Variants in RILP observed in about 807,000 individuals in gnomAD.
RILP encodes the protein rab-interacting lysosomal protein.
RILP carries 53 observed loss-of-function variants against 40.0 expected under a neutral mutation model. The ratio of observed to expected loss-of-function variants is 1.32; its 90% CI spans 1.06 to 1.66. The LOEUF (loss-of-function observed/expected upper bound fraction) is 1.66. RILP is among the 40% of genes most tolerant of loss of function. The probability of loss-of-function intolerance (pLI) is 0.00; values close to 1 mark genes in which losing one functional copy is unlikely to be tolerated. For missense variants in RILP, 626 were observed against 551.7 expected, an observed-to-expected ratio of 1.13 and a Z score of -1.35; for synonymous variants, 272 against 250.6, an observed-to-expected ratio of 1.09 and a Z score of -0.80.
chr17:1,649,163 G>A lies in RILP; in HGVS notation c.429+37C>T, dbSNP rs1410831298. ...CCCCGCCCAGCGCCTGCCACGCTCC[G>A]CCCCCGCCCCGCCCCAGAGCCCCGC... On this transcript the variant is annotated intron_variant, in intron 3 of 7. Coordinates refer to ENST00000301336, the MANE Select transcript of RILP (RefSeq NM_031430.3). The surrounding 1 kb of genome is among the most constrained non-coding windows in gnomAD (Gnocchi z 4.3). 3 of 726,086 alleles carry A rather than the reference G, an allele frequency of 4.1e-6. No homozygotes were observed. The highest frequency in any genetic ancestry group is 5.6e-6 in the Non-Finnish European group (3 of 538,294). The allele number at this position is 726,086 out of a possible 1,614,324, so 45.0% of individuals were successfully genotyped here. A position where few individuals can be genotyped will look rare whatever the true frequency, so the allele number is the denominator to read the frequency against.
chr17:1,649,373 G>T lies in RILP; in HGVS notation c.322+39C>A. 2 of 1,494,642 alleles carry T rather than the reference G, an allele frequency of 1.3e-6. No individual in the cohort carries two copies. Among genetic ancestry groups the T allele is most frequent in the Non-Finnish European group, 1.8e-6 (2 of 1,128,472 alleles). 92.6% of individuals were successfully genotyped at this position (1,494,642 alleles called of 1,614,324 possible). On this transcript the variant is annotated intron_variant, in intron 2 of 7. Coordinates refer to ENST00000301336, the MANE Select transcript of RILP (RefSeq NM_031430.3). This position sits in a 1 kb window ranked among gnomAD's most constrained non-coding sequence, Gnocchi z 4.3. Reference sequence around the variant, plus strand: ...CGGGAGGGAGGGGAGGACCCGAGCAGGTCGTCACCCGCCCTGCCCTGGCCG... The same window carrying T: ...CGGGAGGGAGGGGAGGACCCGAGCATGTCGTCACCCGCCCTGCCCTGGCCG...
rs756577520 is a variant in RILP at position 1,648,004 on chromosome 17, ATGGGGATGCCAGCAG to A, written c.822-62_822-48del. 45 of 1,608,668 alleles carry A rather than the reference ATGGGGATGCCAGCAG, an allele frequency of 2.8e-5. No individual in the cohort carries two copies. The highest frequency in any genetic ancestry group is 3.7e-5 in the Non-Finnish European group (44 of 1,178,774). ...GGAGAAAGCCCTGGTGATGCCAGCC[ATGGGGATGCCAGCAG>A]TGGAGATGCCAGCCGCAGTCCTCAC... On this transcript the variant is annotated intron_variant, in intron 5 of 7. Transcript: ENST00000301336. This position sits in a 1 kb window ranked among gnomAD's most constrained non-coding sequence, Gnocchi z 4.9.
At chr17:1,647,069 A>T in intron 6 of RILP, 80 bp from the exon 7 acceptor site, 3 of 862,134 alleles carry the variant, frequency 3.5e-6, no homozygotes, top group Non-Finnish European at 5.2e-6. Context: ...GGGGGGATGG[A>T]GGGACTGCAG....
Position 1,648,484 on chromosome 17 carries a change from C to A in RILP, c.687G>T (p.Ala229=). ...CCTCCGAGGGGCGCCCGAGCTGCTG[C>A]GCGGCCTCCGCCTTTGGAAGGACAG... ...PGNPEDPAEA[A]QQLGRPSEAG... The change falls in exon 5 of 8, where the codon GCG becomes GCT. Residue 229 remains alanine, a synonymous_variant. Transcript: ENST00000301336. This position sits in a 1 kb window ranked among gnomAD's most constrained non-coding sequence, Gnocchi z 4.9. 2.5e-6 allele frequency: 4 copies of A among 1,613,216 alleles called. No homozygotes were observed. Among genetic ancestry groups the A allele is most frequent in the Non-Finnish European group, 3.4e-6 (4 of 1,179,946 alleles).
rs1394686949 is a variant in RILP at position 1,649,376 on chromosome 17, C to G, written c.322+36G>C. 1 of 1,494,696 alleles carries G rather than the reference C, an allele frequency of 6.7e-7. No homozygotes were observed. Among genetic ancestry groups the G allele is most frequent in the South Asian group, 1.2e-5 (1 of 80,100 alleles). 92.6% of individuals were successfully genotyped at this position (1,494,696 alleles called of 1,614,324 possible). A position where few individuals can be genotyped will look rare whatever the true frequency, so the allele number is the denominator to read the frequency against. ...GAGGGAGGGGAGGACCCGAGCAGGT[C>G]GTCACCCGCCCTGCCCTGGCCGGGG... On this transcript the variant is annotated intron_variant, in intron 2 of 7. Transcript: ENST00000301336. The surrounding 1 kb of genome is among the most constrained non-coding windows in gnomAD (Gnocchi z 4.3).
chr17:1,646,957 G>T lies in RILP; in HGVS notation c.977C>A (p.Ser326Tyr). Residue 326 changes from serine (S) to tyrosine (Y), a missense_variant, in exon 7 of 8, where the codon TCC becomes TAC. Transcript: ENST00000301336. The surrounding 1 kb of genome is among the most constrained non-coding windows in gnomAD (Gnocchi z 4.3). ...EDEAGPWILL[S>Y]DDKGDHPPPP... ...TGGGGGATGGTCTCCCTTGTCATCG[G>T]AGAGCAGGATCCATGGGCCAGCCTC... 1 of 1,609,050 alleles carries T rather than the reference G, an allele frequency of 6.2e-7. No homozygotes were observed. Among genetic ancestry groups the T allele is most frequent in the African/African-American group, 1.3e-5 (1 of 74,750 alleles).
At chr17:1,647,017 G>A (rs1368841882) in intron 6 of RILP, 28 bp from the exon 7 acceptor site, 2 of 1,509,204 alleles carry the variant, frequency 1.3e-6, no homozygotes, top group South Asian at 2.5e-5. Context: ...GGAGAAGTGA[G>A]GGCCATTGAT....
In RILP at chr17:1,648,681, C is replaced by T. The variant is rs1448086194; in HGVS notation, c.675+118G>A. On this transcript the variant is annotated intron_variant, in intron 4 of 7. Coordinates refer to ENST00000301336, the MANE Select transcript of RILP (RefSeq NM_031430.3). This position sits in a 1 kb window ranked among gnomAD's most constrained non-coding sequence, Gnocchi z 4.9. ...AGGCCGGCCGGGGGCGCAGATCTGT[C>T]TGCCACCTCCCCGCTTCCTGGCCGA... 8 of 1,416,950 alleles carry T rather than the reference C, an allele frequency of 5.6e-6. No homozygotes were observed. The highest frequency in any genetic ancestry group is 2.1e-4 in the Middle Eastern group (1 of 4,714). 87.8% of individuals were successfully genotyped at this position (1,416,950 alleles called of 1,614,324 possible).
rs776417201 is a variant in RILP at position 1,648,391 on chromosome 17, G to A, written c.780C>T (p.Ala260=). The part of the protein sequence containing the change: ...QILQERNELK[A]KVFLLKEELA... ...GTTCCTCCTTGAGCAGGAACACTTT[G>A]GCTTTGAGTTCATTCCGCTCCTGAA... Residue 260 remains alanine, a synonymous_variant, in exon 5 of 8, where the codon GCC becomes GCT. Coordinates refer to ENST00000301336, the MANE Select transcript of RILP (RefSeq NM_031430.3). The surrounding 1 kb of genome is among the most constrained non-coding windows in gnomAD (Gnocchi z 4.9). 9.3e-6 allele frequency: 15 copies of A among 1,614,160 alleles called. No individual in the cohort carries two copies. Among genetic ancestry groups the A allele is most frequent in the Non-Finnish European group, 1.3e-5 (15 of 1,180,012 alleles).
chr17:1,649,584 G>A lies in RILP; in HGVS notation c.221C>T (p.Pro74Leu). Residue 74 changes from proline to leucine, a missense_variant, in exon 1 of 8, where the codon CCG (proline) becomes CTG (leucine). Transcript: ENST00000301336. The surrounding 1 kb of genome is among the most constrained non-coding windows in gnomAD (Gnocchi z 4.3). ...LLEQAAVGPA[P>L]DSLQVSAQPA... Reference sequence around the variant, plus strand: ...GGGAGGGCCATGACTCACCGAGTCCGGGGCGGGCCCCACGGCAGCCTGTTC... The same window carrying A: ...GGGAGGGCCATGACTCACCGAGTCCAGGGCGGGCCCCACGGCAGCCTGTTC... 1 of 1,561,226 alleles carries A rather than the reference G, an allele frequency of 6.4e-7. No individual in the cohort carries two copies. The highest frequency in any genetic ancestry group is 8.6e-7 in the Non-Finnish European group (1 of 1,162,046).
chr17:1,646,807 G>T lies in RILP; in HGVS notation c.1028+99C>A. ...GTGTGCTTAGAGCCAAGCACAGCAG[G>T]GTGACGGGCAGAGAAGCGGGAAAGG... is the stretch of plus-strand genomic sequence containing the variant. On this transcript the variant is annotated intron_variant, in intron 7 of 7. Transcript: ENST00000301336. The surrounding 1 kb of genome is among the most constrained non-coding windows in gnomAD (Gnocchi z 4.3). 1.8e-6 allele frequency: 2 copies of T among 1,100,446 alleles called. No homozygotes were observed. The highest frequency in any genetic ancestry group is 2.6e-6 in the Non-Finnish European group (2 of 766,722). The allele number at this position is 1,100,446 out of a possible 1,614,324, so 68.2% of individuals were successfully genotyped here. A position where few individuals can be genotyped will look rare whatever the true frequency, so the allele number is the denominator to read the frequency against.
rs929402120 is a variant in RILP, at chr17:1,647,873, C to T, written c.906G>A (p.Lys302=). Residue 302 remains lysine (K), a synonymous_variant, in exon 6 of 8, where the codon AAG becomes AAA. Transcript: ENST00000301336. ...CCTCTGGTGTCCCTAACATCTTGGC[C>T]TTGATCTTCTTCCGCTGCTTCCGGA... The part of the protein sequence containing the change: ...VAVRKQRKKI[K]AKMLGTPEEA... The T allele has an allele frequency of 5.6e-6, 9 of 1,614,056 alleles. No homozygotes were observed. The highest frequency in any genetic ancestry group is 7.6e-6 in the Non-Finnish European group (9 of 1,180,030).
chr17:1,646,721 A>G lies in RILP; in HGVS notation c.1029-102T>C. On this transcript the variant is annotated intron_variant, in intron 7 of 7. Transcript: ENST00000301336. This position sits in a 1 kb window ranked among gnomAD's most constrained non-coding sequence, Gnocchi z 4.3. ...TGAGAAAAGGGGAGAGGGGGAAGAA[A>G]GGGCAGCCTGAGGGAGTGTGAAGGT... 1 of 1,294,574 alleles carries G rather than the reference A, an allele frequency of 7.7e-7. No homozygotes were observed. The highest frequency in any genetic ancestry group is 1.1e-6 in the Non-Finnish European group (1 of 936,274). 80.2% of individuals were successfully genotyped at this position (1,294,574 alleles called of 1,614,324 possible). A position where few individuals can be genotyped will look rare whatever the true frequency, so the allele number is the denominator to read the frequency against.
chr17:1,646,689 G>C lies in RILP; in HGVS notation c.1029-70C>G, dbSNP rs1329094074. 6.8e-7 allele frequency: 1 copy of C among 1,464,312 alleles called. No individual in the cohort carries two copies. The highest frequency in any genetic ancestry group is 2.3e-5 in the East Asian group (1 of 43,424). The allele number at this position is 1,464,312 out of a possible 1,614,324, so 90.7% of individuals were successfully genotyped here. A position where few individuals can be genotyped will look rare whatever the true frequency, so the allele number is the denominator to read the frequency against. On this transcript the variant is annotated intron_variant, in intron 7 of 7. Transcript: ENST00000301336. The surrounding 1 kb of genome is among the most constrained non-coding windows in gnomAD (Gnocchi z 4.3). ...AGGTCAAGGATATGGGTGAGGGCAG[G>C]GGATGGTGAGAAAAGGGGAGAGGGG...
rs1597221528 is a variant in RILP at position 1,649,850 on chromosome 17, C to T, written c.-46G>A. 7.0e-7 allele frequency: 1 copy of T among 1,432,794 alleles called. No homozygotes were observed. Among genetic ancestry groups the T allele is most frequent in the Non-Finnish European group, 9.3e-7 (1 of 1,072,314 alleles). The allele number at this position is 1,432,794 out of a possible 1,614,324, so 88.8% of individuals were successfully genotyped here. On this transcript the variant is annotated 5_prime_UTR_variant, in exon 1 of 8. It adds an upstream start codon to the 5' untranslated region. Coordinates refer to ENST00000301336, the MANE Select transcript of RILP (RefSeq NM_031430.3). The surrounding 1 kb of genome is among the most constrained non-coding windows in gnomAD (Gnocchi z 4.3). ...TGCGACCCCCCCACCCCACCCTCCA[C>T]TGGGACGGGGAAAAGCGAAACAGTT...
At position 1,649,077 on chromosome 17, in the gene RILP, GCACCGA is replaced by G; in HGVS notation, c.430-39_430-34del. 3.5e-5 allele frequency: 7 copies of G among 198,134 alleles called. No individual in the cohort carries two copies. Among genetic ancestry groups the G allele is most frequent in the Admixed American group, 6.8e-5 (1 of 14,812 alleles). The allele number at this position is 198,134 out of a possible 1,614,324, so 12.3% of individuals were successfully genotyped here. ...CGGAGCAAAGGGTGGGGTGGGCGGG[GCACCGA>G]GGGCCCCCCGGAGCCCCGCCCAGCG... On this transcript the variant is annotated intron_variant, in intron 3 of 7. Transcript: ENST00000301336. This position sits in a 1 kb window ranked among gnomAD's most constrained non-coding sequence, Gnocchi z 4.3.
At position 1,649,337 on chromosome 17, in the gene RILP, C is replaced by A; in HGVS notation, c.323-31G>T. On this transcript the variant is annotated intron_variant, in intron 2 of 7. Coordinates refer to ENST00000301336, the MANE Select transcript of RILP (RefSeq NM_031430.3). This position sits in a 1 kb window ranked among gnomAD's most constrained non-coding sequence, Gnocchi z 4.3. ...GAAGGGGCGTTCTTAGCGGCGGCGG[C>A]GCGCGGCCCGCGGGAGGGAGGGGAG... The A allele has an allele frequency of 6.7e-7, 1 of 1,486,900 alleles. No individual in the cohort carries two copies. Among genetic ancestry groups the A allele is most frequent in the Non-Finnish European group, 8.9e-7 (1 of 1,124,786 alleles). The allele number at this position is 1,486,900 out of a possible 1,614,324, so 92.1% of individuals were successfully genotyped here. A position where few individuals can be genotyped will look rare whatever the true frequency, so the allele number is the denominator to read the frequency against.
chr17:1,647,052 T>A (rs1200815747), intron 6 of RILP, 63 bp from the exon 7 acceptor site: 3 of 1,157,454 alleles, frequency 2.6e-6, no homozygotes, highest in Non-Finnish European at 3.6e-6. Flanking sequence ...ACAACAGGAA[T>A]CCAGCAGGGG....
Position 1,648,690 on chromosome 17 carries a change from C to T in RILP, c.675+109G>A. On this transcript the variant is annotated intron_variant, in intron 4 of 7. Transcript: ENST00000301336. The surrounding 1 kb of genome is among the most constrained non-coding windows in gnomAD (Gnocchi z 4.9). The stretch of plus-strand genomic sequence containing the variant: ...GGGGGCGCAGATCTGTCTGCCACCT[C>T]CCCGCTTCCTGGCCGACCTGCTGTG... 1 of 1,422,902 alleles carries T rather than the reference C, an allele frequency of 7.0e-7. No individual in the cohort carries two copies. Among genetic ancestry groups the T allele is most frequent in the African/African-American group, 1.4e-5 (1 of 69,464 alleles). The allele number at this position is 1,422,902 out of a possible 1,614,324, so 88.1% of individuals were successfully genotyped here.
Sources: allele counts gnomAD v4.1 joint callset, GRCh38; gene constraint gnomAD v4.1.1; non-coding constraint Gnocchi (gnomAD v3.1); transcripts MANE v1.5; gene names NCBI Gene and HGNC (gene_info 2026-07-23, HGNC 2026-07-21).